Variants in CRYBG3 observed in about 807,000 individuals in gnomAD.
CRYBG3 encodes crystallin beta-gamma domain containing 3.
Under a neutral mutation model 244.2 loss-of-function variants are expected in CRYBG3, and 127 were observed. The observed-to-expected ratio is 0.52, with a 90% confidence interval of 0.45 to 0.60. The LOEUF (loss-of-function observed/expected upper bound fraction) is 0.60. Ranked by LOEUF, CRYBG3 falls within the 20% of genes least tolerant of loss-of-function variation. The pLI is 0.00. For synonymous variants in CRYBG3, 1,132 were observed against 1,195.8 expected, an observed-to-expected ratio of 0.95 and a Z score of 1.10; for missense variants, 3,325 against 3,442.5, an observed-to-expected ratio of 0.97 and a Z score of 0.85.
At chr3:97,845,298 C>T (rs891185856) in intron 2 of CRYBG3, among the ~76,000 whole-genome samples, 5 of 152,078 alleles carry the variant, frequency 3.3e-5, no homozygotes, top group Non-Finnish European at 7.4e-5. Context: ...GGTTGCAAGA[C>T]AAGTTTGAAC....
In CRYBG3 at chr3:97,864,687, T is replaced by G. The variant is rs1179759466; in HGVS notation, c.647+40T>G. The G allele has an allele frequency of 2.9e-6, 4 of 1,401,912 alleles. No homozygotes were observed. The Admixed American group carries it at 7.4e-5, about 26-fold the overall frequency. 86.8% of individuals were successfully genotyped at this position (1,401,912 alleles called of 1,614,324 possible). On this transcript the variant is annotated intron_variant, in intron 3 of 21. Transcript: ENST00000389622. ...TCATTGAACCAAAAAAAATTGAGCTTTTTGGACCTAGCTTTTGAGCTTTAG... is the reference window on the plus strand; with the variant it reads ...TCATTGAACCAAAAAAAATTGAGCTGTTTGGACCTAGCTTTTGAGCTTTAG...
Position 97,822,061 on chromosome 3 carries a change from C to A in CRYBG3, c.-146C>A. The A allele has an allele frequency of 1.7e-6, 1 of 599,568 alleles. No individual in the cohort carries two copies. The highest frequency in any genetic ancestry group is 2.5e-6 in the Non-Finnish European group (1 of 397,390). 37.1% of individuals were successfully genotyped at this position (599,568 alleles called of 1,614,324 possible). ...GCGCGTCGCGTCCGCACTTCTCCTG[C>A]CCGAGAGAGACTGAGCCGCGCTGGC... On this transcript the variant is annotated 5_prime_UTR_variant, in exon 1 of 22. Transcript: ENST00000389622.
At chr3:97,870,963 G>T (rs1042437248) in intron 3 of CRYBG3, among the ~76,000 whole-genome samples, 2 of 152,160 alleles carry the variant, frequency 1.3e-5, no homozygotes, top group African/African-American at 4.8e-5. Context: ...AGTAGTAGAG[G>T]GATAGGTTTG....
intron 15 of CRYBG3, among the ~76,000 whole-genome samples, chr3:97,908,881 G>A (rs2108247576): frequency 6.6e-6 from 1 of 152,286 alleles, no homozygotes; most frequent in East Asian, 1.9e-4. Flanking sequence ...TGCAGCGGCT[G>A]GTACTGGTTG....
chr3:97,900,295 C>T (rs2039690856), intron 14 of CRYBG3, among the ~76,000 whole-genome samples, 158 bp from the exon 15 acceptor site: 1 of 152,074 alleles, frequency 6.6e-6, no homozygotes, highest in African/African-American at 2.4e-5. Flanking sequence ...GTGCAGTGAG[C>T]TGAGACTGTG....
chr3:97,929,180 C>G (rs941012641), intron 17 of CRYBG3, among the ~76,000 whole-genome samples: 1 of 151,960 alleles, frequency 6.6e-6, no homozygotes, highest in Non-Finnish European at 1.5e-5. Flanking sequence ...CTGCTGACAT[C>G]TAAGAAGAGC....
At chr3:97,894,187 A>G (rs915244147) in intron 11 of CRYBG3, among the ~76,000 whole-genome samples, 1 of 152,152 alleles carries the variant, frequency 6.6e-6, no homozygotes, top group Non-Finnish European at 1.5e-5. Context: ...TGTTTTTCCT[A>G]TTAACTAGGT....
chr3:97,833,330 T>C (rs1409618200), intron 1 of CRYBG3, among the ~76,000 whole-genome samples: 2 of 152,152 alleles, frequency 1.3e-5, no homozygotes, highest in Admixed American at 6.6e-5. Context: ...CCATCAATGA[T>C]AGACTGGATA....
At chr3:97,882,024 C>T (rs1000532289) in intron 7 of CRYBG3, among the ~76,000 whole-genome samples, 2 of 151,866 alleles carry the variant, frequency 1.3e-5, no homozygotes, top group Admixed American at 6.6e-5. Flanking sequence ...GACTGGCCAA[C>T]ATGGTGAAAC....
chr3:97,903,284 T>G (rs1415944182), intron 15 of CRYBG3, among the ~76,000 whole-genome samples: 1 of 152,142 alleles, frequency 6.6e-6, no homozygotes, highest in Non-Finnish European at 1.5e-5. Context: ...GCAAATACAG[T>G]AAGATTCACA....
At chr3:97,901,745 C>G (rs1409473615) in intron 15 of CRYBG3, among the ~76,000 whole-genome samples, 1 of 152,174 alleles carries the variant, frequency 6.6e-6, no homozygotes, top group Non-Finnish European at 1.5e-5. Context: ...GTTTCTCCTG[C>G]TCCTACCTCC....
chr3:97,907,684 T>C (rs1453387835), intron 15 of CRYBG3, among the ~76,000 whole-genome samples: 9 of 151,466 alleles, frequency 5.9e-5, no homozygotes, highest in Non-Finnish European at 5.9e-5. Flanking sequence ...TTGTTGATCC[T>C]TTCAAAAAAC....
chr3:97,910,161 C>A (rs2039849743), intron 15 of CRYBG3, among the ~76,000 whole-genome samples: 1 of 151,486 alleles, frequency 6.6e-6, no homozygotes, highest in African/African-American at 2.4e-5. Context: ...AGCTGTCAGA[C>A]AGGGACATTT....
At chr3:97,880,972 C>A (rs1292808766) in intron 6 of CRYBG3, 100 bp from the exon 7 acceptor site, 1 of 871,490 alleles carries the variant, frequency 1.1e-6, no homozygotes, top group Non-Finnish European at 1.7e-6. Context: ...GGAAGATATC[C>A]CAGCTTAAAA....
rs1161053514 is a variant in CRYBG3 at position 97,873,388 on chromosome 3, T to C, written c.2194T>C (p.Phe732Leu). ...TGAATATACATCTGCAATTTTTGAATTCAAAGAAGTTCTTTCTAATAGTGA... is the reference window on the plus strand; with the variant it reads ...TGAATATACATCTGCAATTTTTGAACTCAAAGAAGTTCTTTCTAATAGTGA... ...CLEYTSAIFE[F>L]KEVLSNSEKC... The change falls in exon 4 of 22, where the codon TTC (phenylalanine) becomes CTC (leucine). Residue 732 changes from phenylalanine to leucine, a missense_variant. By Grantham distance (22) the Phe-to-Leu change is conservative. This residue lies in a region of CRYBG3 where 1,526 missense variants were observed against 1,443.2 expected (regional missense o/e 1.06). Coordinates refer to ENST00000389622, the MANE Select transcript of CRYBG3 (RefSeq NM_153605.4). 9 of 1,535,702 alleles carry C rather than the reference T, an allele frequency of 5.9e-6. No individual in the cohort carries two copies. The African/African-American group carries it at 1.1e-4, about 19-fold the overall frequency.
At chr3:97,921,376 A>T (rs1434193727) in intron 17 of CRYBG3, among the ~76,000 whole-genome samples, 1 of 152,004 alleles carries the variant, frequency 6.6e-6, no homozygotes, top group Non-Finnish European at 1.5e-5. Flanking sequence ...GAATTCTGTC[A>T]CTCTTATGTC....
chr3:97,874,847 A>G lies in CRYBG3; in HGVS notation c.3653A>G (p.Lys1218Arg). The change falls in exon 4 of 22, where the codon AAA (lysine) becomes AGA (arginine). Residue 1218 changes from lysine (K) to arginine (R), a missense_variant. Around this residue, in one of 4 missense-constraint regions of CRYBG3, gnomAD observed 1,526 missense variants for 1,443.2 expected, o/e 1.06. Coordinates refer to ENST00000389622, the MANE Select transcript of CRYBG3 (RefSeq NM_153605.4). ...FNSVREELKFKHTVSTCQEHI... is the reference protein window; with the variant it reads ...FNSVREELKFRHTVSTCQEHI... ...TCTGTCAGGGAAGAACTAAAATTCA[A>G]ACACACAGTGAGTACCTGCCAGGAG... is the stretch of plus-strand genomic sequence containing the variant. The G allele has an allele frequency of 1.3e-6, 2 of 1,535,912 alleles. No homozygotes were observed. Among genetic ancestry groups the G allele is most frequent in the Non-Finnish European group, 1.7e-6 (2 of 1,146,798 alleles).
At chr3:97,849,062 G>A (rs2038946484) in intron 2 of CRYBG3, among the ~76,000 whole-genome samples, 1 of 152,210 alleles carries the variant, frequency 6.6e-6, no homozygotes, top group Non-Finnish European at 1.5e-5. Context: ...GATCTTCCAG[G>A]TGGTGGCTTG....
intron 3 of CRYBG3, among the ~76,000 whole-genome samples, chr3:97,871,528 G>T (rs1481118950): frequency 1.3e-5 from 2 of 152,132 alleles, no homozygotes; most frequent in Admixed American, 6.6e-5. Context: ...ACTCCTTTGA[G>T]ATTAGAACTA....
Sources: allele counts gnomAD v4.1 joint callset (sites outside exome capture counted in the v4.1 genomes callset), GRCh38; gene constraint gnomAD v4.1.1; regional missense constraint gnomAD v4.1.1; transcripts MANE v1.5; gene names NCBI Gene and HGNC (gene_info 2026-07-23, HGNC 2026-07-21).